Variants in GALNT13 observed in about 807,000 individuals in gnomAD.
The protein encoded by GALNT13 is UDP-GalNAc:polypeptide N-acetylgalactosaminyltransferase 13.
In GALNT13, 28 loss-of-function variants were observed where a neutral mutation model predicts 64.2. The observed-to-expected ratio is 0.44, with a 90% confidence interval of 0.32 to 0.60. GALNT13 has a LOEUF of 0.60. GALNT13 is among the 20% of genes least tolerant of loss of function. The probability of loss-of-function intolerance (pLI) is 0.05; values close to 1 mark genes in which losing one functional copy is unlikely to be tolerated. For synonymous variants in GALNT13, 214 were observed against 224.6 expected (o/e 0.95, Z 0.42); for missense variants, 577 against 669.8 (o/e 0.86, Z 1.53).
At chr2:153,814,776 T>C in the GALNT13 span, among the ~76,000 whole-genome samples, 2 of 152,190 alleles carry the variant, frequency 1.3e-5, no homozygotes, top group Non-Finnish European at 2.9e-5. Context: ...ACTCAGGCCT[T>C]ATAAACCGTA....
the GALNT13 span, among the ~76,000 whole-genome samples, chr2:153,091,142 C>T: frequency 2.0e-5 from 3 of 152,042 alleles, no homozygotes; most frequent in East Asian, 5.8e-4. Flanking sequence ...AAAATTTGTG[C>T]CTAGTCGAAA....
intron 10 of GALNT13, among the ~76,000 whole-genome samples, chr2:154,400,320 T>C (rs531872936): frequency 6.6e-6 from 1 of 152,326 alleles, no homozygotes; most frequent in Non-Finnish European, 1.5e-5. Flanking sequence ...ACAATATTTC[T>C]TTGCAGTATA....
At chr2:153,603,983 C>T in the GALNT13 span, among the ~76,000 whole-genome samples, 1 of 151,964 alleles carries the variant, frequency 6.6e-6, no homozygotes. Context: ...AAATACCTTC[C>T]GTGTTTGTTT....
the GALNT13 span, among the ~76,000 whole-genome samples, chr2:153,690,490 T>A: frequency 6.6e-6 from 1 of 152,134 alleles, no homozygotes; most frequent in Non-Finnish European, 1.5e-5. Flanking sequence ...TGAAGTAATT[T>A]GCTGGGTACG....
chr2:153,613,229 G>C, the GALNT13 span, among the ~76,000 whole-genome samples: 4 of 152,144 alleles, frequency 2.6e-5, no homozygotes, highest in African/African-American at 9.7e-5. Context: ...GCATATTTAA[G>C]ATTTTTCTAA....
chr2:153,424,552 A>T, the GALNT13 span, among the ~76,000 whole-genome samples: 563 of 152,032 alleles, frequency 3.7e-3, 5 homozygotes, highest in African/African-American at 0.012. Context: ...AGGATATACA[A>T]ACTAAAACTG....
the GALNT13 span, among the ~76,000 whole-genome samples, chr2:153,509,773 A>G: frequency 2.0e-5 from 3 of 152,172 alleles, no homozygotes; most frequent in Non-Finnish European, 4.4e-5. Flanking sequence ...TTGGCCCCTA[A>G]GGGACTCAGA....
chr2:153,299,829 T>C, the GALNT13 span, among the ~76,000 whole-genome samples: 2 of 152,224 alleles, frequency 1.3e-5, no homozygotes, highest in Non-Finnish European at 2.9e-5. Context: ...ACCTGAATTG[T>C]TCATTTTTCC....
At chr2:153,392,522 T>C in the GALNT13 span, among the ~76,000 whole-genome samples, 2 of 151,996 alleles carry the variant, frequency 1.3e-5, no homozygotes, top group Non-Finnish European at 2.9e-5. Flanking sequence ...TGACAGGGTT[T>C]TGTCAGTTAG....
At chr2:154,091,709 GT>G (rs1206166371) in intron 3 of GALNT13, among the ~76,000 whole-genome samples, 2 of 151,834 alleles carry the variant, frequency 1.3e-5, no homozygotes, top group Non-Finnish European at 2.9e-5. Flanking sequence ...TTATAAAAAT[GT>G]TAGTAAACTG....
At chr2:154,399,866 A>G (rs933160404) in intron 10 of GALNT13, among the ~76,000 whole-genome samples, 1 of 152,178 alleles carries the variant, frequency 6.6e-6, no homozygotes, top group Non-Finnish European at 1.5e-5. Context: ...AATTCAGTAG[A>G]AGTAAAAGAT....
chr2:154,422,419 G>A (rs1397911200), intron 11 of GALNT13, among the ~76,000 whole-genome samples: 1 of 151,994 alleles, frequency 6.6e-6, no homozygotes, highest in African/African-American at 2.4e-5. Flanking sequence ...CCAATACAAA[G>A]CATGAAGCTA....
chr2:153,175,332 G>T, the GALNT13 span, among the ~76,000 whole-genome samples: 4 of 152,110 alleles, frequency 2.6e-5, no homozygotes, highest in Admixed American at 1.3e-4. Context: ...TTTATATGTC[G>T]CAGAGTGGGA....
chr2:153,561,231 T>A, the GALNT13 span, among the ~76,000 whole-genome samples: 1 of 151,976 alleles, frequency 6.6e-6, no homozygotes, highest in South Asian at 2.1e-4. Context: ...AATCTTCTTT[T>A]CAAATTCTTA....
chr2:153,830,675 C>T, the GALNT13 span, among the ~76,000 whole-genome samples: 10 of 152,186 alleles, frequency 6.6e-5, no homozygotes, highest in Non-Finnish European at 1.3e-4. Context: ...GAAAGGTTTG[C>T]ATTTGTATTC....
intron 11 of GALNT13, among the ~76,000 whole-genome samples, chr2:154,413,937 C>T (rs969701210): frequency 5.5e-4 from 83 of 152,036 alleles, no homozygotes; most frequent in African/African-American, 2.0e-3. Context: ...TGGCAAGCGC[C>T]AATATTTACT....
At chr2:154,337,620 T>G (rs1695529729) in intron 9 of GALNT13, among the ~76,000 whole-genome samples, 1 of 152,102 alleles carries the variant, frequency 6.6e-6, no homozygotes, top group African/African-American at 2.4e-5. Flanking sequence ...ATGTACATTT[T>G]GTTATAAATA....
intron 9 of GALNT13, among the ~76,000 whole-genome samples, chr2:154,324,757 A>G (rs1694794297): frequency 6.6e-6 from 1 of 152,084 alleles, no homozygotes; most frequent in Admixed American, 6.5e-5. Flanking sequence ...AGATGAGGTC[A>G]CTGATTATAA....
At chr2:153,626,202 A>G in the GALNT13 span, among the ~76,000 whole-genome samples, 1 of 152,126 alleles carries the variant, frequency 6.6e-6, no homozygotes, top group Non-Finnish European at 1.5e-5. Context: ...GAAGAAATAT[A>G]AATTTACTCA....
Sources: allele counts gnomAD v4.1 joint callset (sites outside exome capture counted in the v4.1 genomes callset), GRCh38; gene constraint gnomAD v4.1.1; transcripts MANE v1.5; gene names NCBI Gene and HGNC (gene_info 2026-07-23, HGNC 2026-07-21).